Variants in TEK observed in about 807,000 individuals in gnomAD.
TEK encodes TEK receptor tyrosine kinase.
TEK carries 43 observed loss-of-function variants against 131.8 expected under a neutral mutation model. The observed-to-expected ratio is 0.33, with a 90% confidence interval of 0.26 to 0.42. The LOEUF is 0.42. TEK is among the 10% of genes least tolerant of loss of function. The pLI, the probability that TEK is intolerant of heterozygous loss-of-function variation, is 1.00. For missense variants in TEK, 1,162 were observed against 1,384.4 expected (o/e 0.84, Z 2.55); for synonymous variants, 580 against 491.6 (o/e 1.18, Z -2.38).
intron 20 of TEK, 48 bp from the exon 21 acceptor site, chr9:27,220,001 T>C: frequency 6.3e-7 from 1 of 1,590,364 alleles, no homozygotes; most frequent in Non-Finnish European, 8.6e-7. Context: ...CAGGAAGCAT[T>C]GCTTTTCATG....
intron 15 of TEK, 74 bp from the exon 16 acceptor site, chr9:27,209,047 A>G: frequency 1.0e-6 from 1 of 980,352 alleles, no homozygotes; most frequent in South Asian, 1.3e-5. Flanking sequence ...GAAGGTTCTT[A>G]GGGGGCAGGA....
chr9:27,148,578 C>T (rs988418285), intron 1 of TEK, among the ~76,000 whole-genome samples: 2 of 152,212 alleles, frequency 1.3e-5, no homozygotes, highest in Non-Finnish European at 2.9e-5. Flanking sequence ...AGTGGGCAAG[C>T]ACTTTTCAAG....
chr9:27,170,825 A>T (rs780326231), intron 4 of TEK, among the ~76,000 whole-genome samples: 19 of 152,214 alleles, frequency 1.2e-4, no homozygotes, highest in Non-Finnish European at 2.5e-4. Context: ...GATGTCTATC[A>T]GCCTAGACCA....
chr9:27,174,958 T>A (rs1824106415), intron 6 of TEK, among the ~76,000 whole-genome samples: 1 of 112,810 alleles, frequency 8.9e-6, no homozygotes. Flanking sequence ...GGGCCCAGGT[T>A]TTTTTGTTTT....
At chr9:27,214,542 C>CT (rs368520004) in intron 18 of TEK, among the ~76,000 whole-genome samples, 5 of 152,288 alleles carry the variant, frequency 3.3e-5, no homozygotes, top group African/African-American at 9.6e-5. Flanking sequence ...TTCCAGGCTT[C>CT]TTTTTTTCCC....
intron 11 of TEK, among the ~76,000 whole-genome samples, chr9:27,196,770 T>G (rs909049387): frequency 1.3e-5 from 2 of 150,146 alleles, no homozygotes; most frequent in Non-Finnish European, 3.0e-5. Flanking sequence ...CACTTTTTTT[T>G]TTTTTTTTTT....
At position 27,117,908 on chromosome 9, in the gene TEK, G is replaced by C. The variant is rs1374573961; in HGVS notation, c.52+8266G>C. ...CCTGGGGGGAGCACTGGAAGACAAT[G>C]CTCGGCCACTTTCCTCCAGATACAA... On this transcript the variant is annotated intron_variant, in intron 1 of 22. Coordinates refer to ENST00000380036, the MANE Select transcript of TEK (RefSeq NM_000459.5). 2.6e-5 allele frequency among the ~76,000 whole-genome samples: 4 copies of C among 152,200 alleles called. No homozygotes were observed. In the East Asian group the frequency reaches 7.7e-4, roughly 29 times the overall value.
intron 1 of TEK, among the ~76,000 whole-genome samples, chr9:27,128,327 T>C (rs1366410782): frequency 6.6e-6 from 1 of 152,180 alleles, no homozygotes; most frequent in Non-Finnish European, 1.5e-5. Context: ...TTCTGTTCCA[T>C]TGGTCTAGGT....
chr9:27,109,810 C>G (rs1821261866), intron 1 of TEK, among the ~76,000 whole-genome samples, 168 bp downstream of exon 1: 1 of 152,110 alleles, frequency 6.6e-6, no homozygotes, highest in Non-Finnish European at 1.5e-5. Context: ...GATTGAAATG[C>G]AAAGGCTCTG....
Position 27,149,517 on chromosome 9 carries a change from A to G in TEK, c.53-8314A>G, listed in dbSNP as rs2131101655. Among the ~76,000 whole-genome samples, 3 of 152,236 alleles carry G rather than the reference A, an allele frequency of 2.0e-5. No individual in the cohort carries two copies. The South Asian group carries it at 6.2e-4, about 32-fold the overall frequency. ...TCAGGCCTACTAGGAAGGCTAGGTG[A>G]CTTCTTTTGTCAATCTCCTCTTAGC... is the stretch of plus-strand genomic sequence containing the variant. On this transcript the variant is annotated intron_variant, in intron 1 of 22. Transcript: ENST00000380036.
chr9:27,200,901 T>G (rs752840256), intron 12 of TEK, among the ~76,000 whole-genome samples: 23 of 152,154 alleles, frequency 1.5e-4, no homozygotes, highest in Non-Finnish European at 2.9e-4. Flanking sequence ...GTAAGTGACT[T>G]GCCCAAAATT....
intron 8 of TEK, among the ~76,000 whole-genome samples, chr9:27,184,636 T>C (rs570654310): frequency 6.6e-6 from 1 of 152,222 alleles, no homozygotes; most frequent in African/African-American, 2.4e-5. Context: ...TTTAGTAAGG[T>C]TGGCCATAAC....
intron 1 of TEK, among the ~76,000 whole-genome samples, chr9:27,153,882 G>A (rs376039738): frequency 2.5e-4 from 38 of 152,322 alleles, no homozygotes; most frequent in African/African-American, 6.3e-4. Flanking sequence ...ACTCGTTGTC[G>A]TGGAGCCTCT....
chr9:27,224,305 A>C lies in TEK; in HGVS notation c.3201-3901A>C, dbSNP rs557244456. On this transcript the variant is annotated intron_variant, in intron 21 of 22. Coordinates refer to ENST00000380036, the MANE Select transcript of TEK (RefSeq NM_000459.5). ...TACCCAAACCTGGCAGAGACACAAC[A>C]AAAAAGAAAACTTCAGGCCAATATC... 1.3e-3 allele frequency among the ~76,000 whole-genome samples: 204 copies of C among 152,268 alleles called. 2 individuals are homozygous for C. The highest frequency in any genetic ancestry group is 4.5e-3 in the African/African-American group (189 of 41,562).
intron 21 of TEK, among the ~76,000 whole-genome samples, chr9:27,226,190 A>G (rs1274804657): frequency 6.6e-6 from 1 of 152,246 alleles, no homozygotes; most frequent in African/African-American, 2.4e-5. Flanking sequence ...TCAGGGATCT[A>G]GAATTAGAAA....
intron 16 of TEK, chr9:27,210,291 CA>C (rs1825559243): frequency 1.3e-5 from 2 of 152,868 alleles, no homozygotes; most frequent in Admixed American, 6.6e-5. Context: ...CACACACACA[CA>C]CCCTGCTGTC....
At chr9:27,121,549 TATA>T (rs745760640) in intron 1 of TEK, among the ~76,000 whole-genome samples, 77 of 150,852 alleles carry the variant, frequency 5.1e-4, no homozygotes, top group Non-Finnish European at 9.0e-4. Flanking sequence ...TTTTCCATAT[TATA>T]TGCAATATGC....
chr9:27,197,234 C>A, intron 11 of TEK, 81 bp from the exon 12 acceptor site: 1 of 1,478,400 alleles, frequency 6.8e-7, no homozygotes, highest in Non-Finnish European at 9.4e-7. Context: ...GATTACATTT[C>A]AGTATGAGAT....
At position 27,212,801 on chromosome 9, in the gene TEK, C is replaced by T; in HGVS notation, c.2781C>T (p.Ala927=). 6.2e-7 allele frequency: 1 copy of T among 1,614,090 alleles called. No homozygotes were observed. ...TGCTGGAGACGGACCCAGCATTTGC[C>T]ATTGCCAATAGCACCGCGTCCACAC... is the stretch of plus-strand genomic sequence containing the variant. ...SRVLETDPAF[A]IANSTASTLS... Residue 927 remains alanine, a synonymous_variant, in exon 17 of 23, where the codon GCC becomes GCT. Coordinates refer to ENST00000380036, the MANE Select transcript of TEK (RefSeq NM_000459.5).
Sources: allele counts gnomAD v4.1 joint callset (sites outside exome capture counted in the v4.1 genomes callset), GRCh38; gene constraint gnomAD v4.1.1; transcripts MANE v1.5; gene names NCBI Gene and HGNC (gene_info 2026-07-23, HGNC 2026-07-21).